Variants in DGKB observed in about 807,000 individuals in gnomAD.
DGKB encodes the protein 90 kDa diacylglycerol kinase.
DGKB carries 67 observed loss-of-function variants against 114.3 expected under a neutral mutation model. That is an observed-to-expected ratio of 0.59 (90% confidence interval 0.48 to 0.72). DGKB has a LOEUF of 0.72. Among genes scored for constraint, DGKB ranks in the 30% least tolerant of loss-of-function variants. The probability of loss-of-function intolerance (pLI) is 0.00; values close to 1 mark genes in which losing one functional copy is unlikely to be tolerated. For synonymous variants in DGKB, 398 were observed against 323.1 expected (o/e 1.23, Z -2.49); for missense variants, 907 against 975.2 (o/e 0.93, Z 0.93).
At chr7:14,677,171 T>G (rs1483576284) in intron 12 of DGKB, among the ~76,000 whole-genome samples, 1 of 151,872 alleles carries the variant, frequency 6.6e-6, no homozygotes, top group African/African-American at 2.4e-5. Context: ...TCTGTGTGCA[T>G]GTGTGCCAGC....
At chr7:14,478,102 T>C (rs751262442) in intron 21 of DGKB, 59 bp downstream of exon 21, 4 of 1,195,488 alleles carry the variant, frequency 3.3e-6, no homozygotes, top group Non-Finnish European at 4.9e-6. Context: ...CATCTAGTGA[T>C]CTTTTTATGG....
At chr7:14,588,551 C>T (rs1299753025) in intron 17 of DGKB, among the ~76,000 whole-genome samples, 2 of 152,078 alleles carry the variant, frequency 1.3e-5, no homozygotes, top group Non-Finnish European at 2.9e-5. Flanking sequence ...CTCCCATCTC[C>T]CCTTTATCCT....
rs148973675 is a variant in DGKB, at chr7:14,732,110, T to C, written c.322+3931A>G. Among the ~76,000 whole-genome samples the C allele has an allele frequency of 1.8e-3, 280 of 152,260 alleles. 2 individuals are homozygous for C. Among genetic ancestry groups the C allele is most frequent in the African/African-American group, 6.7e-3 (277 of 41,562 alleles). ...ATACAACCTTTATGCCTATTTATAA[T>C]TATTTTTAAATTTTTATTCTATAAA... On this transcript the variant is annotated intron_variant, in intron 5 of 25. Coordinates refer to ENST00000402815, the MANE Select transcript of DGKB (RefSeq NM_001350709.2).
chr7:14,378,108 C>G (rs984378783), intron 21 of DGKB, among the ~76,000 whole-genome samples: 1 of 152,102 alleles, frequency 6.6e-6, no homozygotes, highest in African/African-American at 2.4e-5. Context: ...GGTGACTGAG[C>G]CAAAATTGTT....
chr7:14,541,646 A>G (rs1042500382), intron 20 of DGKB, among the ~76,000 whole-genome samples: 2 of 152,284 alleles, frequency 1.3e-5, no homozygotes, highest in East Asian at 1.9e-4. Context: ...TTCCCAAAGC[A>G]TATTGTGACT....
intron 13 of DGKB, among the ~76,000 whole-genome samples, chr7:14,641,119 C>T (rs572505951): frequency 2.6e-4 from 39 of 152,164 alleles, no homozygotes; most frequent in Admixed American, 5.9e-4. Flanking sequence ...ATGAGAATAG[C>T]AAATTTTGCA....
At chr7:14,849,226 G>C (rs775221331) in intron 1 of DGKB, among the ~76,000 whole-genome samples, 2 of 152,020 alleles carry the variant, frequency 1.3e-5, no homozygotes, top group Non-Finnish European at 1.5e-5. Context: ...ATCCTGAAGG[G>C]ACTAAGGATG....
intron 1 of DGKB, among the ~76,000 whole-genome samples, chr7:14,873,213 T>C (rs548975226): frequency 1.3e-5 from 2 of 152,274 alleles, no homozygotes; most frequent in Admixed American, 1.3e-4. Flanking sequence ...AATAACTTTC[T>C]TGACATAAGG....
intron 21 of DGKB, among the ~76,000 whole-genome samples, chr7:14,432,221 G>C (rs941094144): frequency 6.6e-6 from 1 of 152,078 alleles, no homozygotes. Context: ...ATTTCCCTTT[G>C]TAACTGTCTG....
At chr7:14,803,000 G>A (rs942063889) in intron 2 of DGKB, among the ~76,000 whole-genome samples, 5 of 152,002 alleles carry the variant, frequency 3.3e-5, no homozygotes, top group South Asian at 4.2e-4. Context: ...AACAAAGCAC[G>A]TAAGGAAAAT....
At chr7:14,722,512 TTTAA>T (rs768644697) in intron 5 of DGKB, among the ~76,000 whole-genome samples, 4 of 152,086 alleles carry the variant, frequency 2.6e-5, no homozygotes, top group Non-Finnish European at 4.4e-5. Flanking sequence ...TTTTGAGGTG[TTTAA>T]TTAATAAAAA....
chr7:14,361,042 A>G (rs1476240544), intron 21 of DGKB, among the ~76,000 whole-genome samples: 2 of 152,096 alleles, frequency 1.3e-5, no homozygotes, highest in African/African-American at 4.8e-5. Context: ...CCTTACCTAT[A>G]TTCTGTGAAG....
intron 1 of DGKB, among the ~76,000 whole-genome samples, chr7:14,937,955 CAT>C (rs113588770): frequency 0.018 from 2,728 of 152,220 alleles, 77 homozygotes; most frequent in African/African-American, 0.062. Context: ...TACAACAAAA[CAT>C]GTGTTAGTTG....
At chr7:14,278,896 A>G (rs867386995) in intron 23 of DGKB, among the ~76,000 whole-genome samples, 1 of 152,304 alleles carries the variant, frequency 6.6e-6, no homozygotes, top group African/African-American at 2.4e-5. Flanking sequence ...GCCGAATAGG[A>G]ACAGCTCAGG....
chr7:14,937,042 AC>A (rs1401927796), intron 1 of DGKB, among the ~76,000 whole-genome samples: 2 of 144,558 alleles, frequency 1.4e-5, no homozygotes, highest in African/African-American at 5.2e-5. Flanking sequence ...ACACACACAC[AC>A]ACACACACAC....
intron 23 of DGKB, among the ~76,000 whole-genome samples, chr7:14,293,374 T>A (rs1304146146): frequency 1.7e-4 from 26 of 152,204 alleles, no homozygotes; most frequent in Non-Finnish European, 1.5e-4. Flanking sequence ...GATCTTCCAA[T>A]GACTTCTGTT....
At chr7:14,923,373 A>T (rs1399652418) in intron 1 of DGKB, among the ~76,000 whole-genome samples, 1 of 151,922 alleles carries the variant, frequency 6.6e-6, no homozygotes, top group African/African-American at 2.4e-5. Flanking sequence ...CTTTCTATTT[A>T]TTTTTATGAG....
intron 13 of DGKB, among the ~76,000 whole-genome samples, chr7:14,635,478 C>T (rs1585235495): frequency 1.3e-5 from 2 of 151,310 alleles, no homozygotes; most frequent in East Asian, 2.0e-4. Flanking sequence ...TTGTTTTCCT[C>T]AATTATAGAA....
rs1222578904 is a variant in DGKB at position 14,732,174 on chromosome 7, AT to A, written c.322+3866del. Among the ~76,000 whole-genome samples, 4 of 149,462 alleles carry A rather than the reference AT, an allele frequency of 2.7e-5. 1 individual carries two copies. In the East Asian group the frequency reaches 7.8e-4, roughly 29 times the overall value. The stretch of plus-strand genomic sequence containing the variant: ...GCTTTTACTATGTATCCTGTAATTG[AT>A]TATCATTCAGTAGTGAGCATAATTT... On this transcript the variant is annotated intron_variant, in intron 5 of 25. Coordinates refer to ENST00000402815, the MANE Select transcript of DGKB (RefSeq NM_001350709.2).
Sources: gnomAD v4.1 joint callset for allele counts (sites outside exome capture counted in the v4.1 genomes callset) on GRCh38, gnomAD v4.1.1 for gene constraint, MANE v1.5 for transcripts, NCBI Gene and HGNC (gene_info 2026-07-23, HGNC 2026-07-21) for gene names.